Variants in BORA observed in about 807,000 individuals in gnomAD.
BORA encodes the protein BORA aurora kinase A activator, also known as protein aurora borealis.
In BORA, 26 loss-of-function variants were observed where a neutral mutation model predicts 55.8. The ratio of observed to expected loss-of-function variants is 0.47; its 90% CI spans 0.34 to 0.65. The LOEUF (loss-of-function observed/expected upper bound fraction) is 0.65, where lower values mean the gene tolerates loss of function less well. Among genes scored for constraint, BORA ranks in the 30% least tolerant of loss-of-function variants. The pLI is 0.01. For synonymous variants in BORA, 201 were observed against 216.9 expected, an observed-to-expected ratio of 0.93 and a Z score of 0.64; for missense variants, 568 against 671.5, an observed-to-expected ratio of 0.85 and a Z score of 1.70.
chr13:72,731,831 G>C (rs1382261519), intron 3 of BORA, among the ~76,000 whole-genome samples: 1 of 152,178 alleles, frequency 6.6e-6, no homozygotes, highest in African/African-American at 2.4e-5. Context: ...TGCACTGAAT[G>C]GAAGGGTATC....
intron 1 of BORA, chr13:72,728,389 C>G (rs2032732755): frequency 1.7e-6 from 1 of 597,462 alleles, no homozygotes; most frequent in African/African-American, 1.9e-5. Flanking sequence ...AGTTAATTTC[C>G]TAGCCCCTGT....
chr13:72,747,782 C>A (rs2033181727), intron 10 of BORA, among the ~76,000 whole-genome samples: 1 of 152,174 alleles, frequency 6.6e-6, no homozygotes, highest in Non-Finnish European at 1.5e-5. Context: ...ATCCGCCCAC[C>A]TCAGCCTCCC....
chr13:72,754,019 G>T (rs1188461711), intron 11 of BORA, 198 bp downstream of exon 11: 1 of 518,200 alleles, frequency 1.9e-6, no homozygotes, highest in East Asian at 3.4e-5. Context: ...ACTACAAAGT[G>T]TGCAAAGGTA....
rs535008660 is a variant in BORA, at chr13:72,732,390, T to C, written c.260+1003T>C. Among the ~76,000 whole-genome samples the C allele has an allele frequency of 4.5e-4, 68 of 152,180 alleles. No individual in the cohort carries two copies. The Middle Eastern group carries it at 0.01, about 23-fold the overall frequency. On this transcript the variant is annotated intron_variant, in intron 3 of 11. Coordinates refer to ENST00000390667, the MANE Select transcript of BORA (RefSeq NM_024808.5). ...TTAACTTAAATTTAAATAATACCTT[T>C]GAGGCCAGGTGTGGTGGCTCACACC...
rs1249719890 is a variant in BORA, at chr13:72,755,298, G to A, written c.*82G>A. 8.2e-7 allele frequency: 1 copy of A among 1,225,174 alleles called. No homozygotes were observed. The highest frequency in any genetic ancestry group is 2.4e-5 in the East Asian group (1 of 41,802). 75.9% of individuals were successfully genotyped at this position (1,225,174 alleles called of 1,614,324 possible). ...GCACAGGATCAACATGATGGTGACTGGGAAAAAATTACTTCAAGTAACATG... is the reference window on the plus strand; with the variant it reads ...GCACAGGATCAACATGATGGTGACTAGGAAAAAATTACTTCAAGTAACATG... On this transcript the variant is annotated 3_prime_UTR_variant, in exon 12 of 12. Coordinates refer to ENST00000390667, the MANE Select transcript of BORA (RefSeq NM_024808.5).
chr13:72,729,200 T>C, intron 2 of BORA, 107 bp downstream of exon 2: 1 of 957,840 alleles, frequency 1.0e-6, no homozygotes, highest in Non-Finnish European at 1.5e-6. Flanking sequence ...AAATACATTA[T>C]GGAGCATATA....
At position 72,753,039 on chromosome 13, in the gene BORA, C is replaced by G. The variant is rs989780642; in HGVS notation, c.1483-651C>G. ...AGTTAAGCTTTTTAAGCCTTAATTT[C>G]CTTCTCTAGTAAAGTATTAGGGTTG... On this transcript the variant is annotated intron_variant, in intron 10 of 11. Coordinates refer to ENST00000390667, the MANE Select transcript of BORA (RefSeq NM_024808.5). The G allele has an allele frequency of 3.2e-4, 48 of 152,214 alleles. 3 individuals carry two copies. The highest frequency in any genetic ancestry group is 1.1e-3 in the African/African-American group (45 of 41,522). The allele number at this position is 152,214 out of a possible 1,614,324, so 9.4% of individuals were successfully genotyped here. A position where few individuals can be genotyped will look rare whatever the true frequency, so the allele number is the denominator to read the frequency against.
At chr13:72,735,041 A>G (rs771229685) in intron 4 of BORA, 36 bp downstream of exon 4, 3 of 1,502,516 alleles carry the variant, frequency 2.0e-6, no homozygotes, top group Admixed American at 3.4e-5. Flanking sequence ...AAATCAGTTA[A>G]GGATCAATTC....
rs1316268000 is a variant in BORA, at chr13:72,743,596, A to C, written c.448A>C (p.Ser150Arg). 6.2e-7 allele frequency: 1 copy of C among 1,602,676 alleles called. No homozygotes were observed. The highest frequency in any genetic ancestry group is 1.7e-5 in the Admixed American group (1 of 59,620). Residue 150 changes from serine to arginine, a missense_variant, in exon 6 of 12, where the codon AGC becomes CGC. Ser to Arg is a moderately radical substitution (Grantham distance 110, BLOSUM62 -1). Coordinates refer to ENST00000390667, the MANE Select transcript of BORA (RefSeq NM_024808.5). ...AAAGCTGACCATTCATTCTGAGAAA[A>C]GCGATGGTGAGTATGAACACAATTT... Reference protein sequence around the residue: ...GKKLTIHSEKSDAACQTLLSL... With the variant: ...GKKLTIHSEKRDAACQTLLSL...
chr13:72,743,360 T>G lies in BORA; in HGVS notation c.389-177T>G, dbSNP rs184962296. On this transcript the variant is annotated intron_variant, in intron 5 of 11. Transcript: ENST00000390667. The stretch of plus-strand genomic sequence containing the variant: ...GTAATCCTTTAGTTTTATCCTTGTA[T>G]TCCCTCAAAGGTAAAAAAATAATAG... 5.5e-4 allele frequency among the ~76,000 whole-genome samples: 83 copies of G among 151,798 alleles called. No individual in the cohort carries two copies. The East Asian group carries it at 0.013, about 24-fold the overall frequency.
chr13:72,728,849 G>C, intron 1 of BORA, 77 bp from the exon 2 acceptor site: 1 of 1,294,646 alleles, frequency 7.7e-7, no homozygotes, highest in Non-Finnish European at 1.0e-6. Flanking sequence ...CACATTTGTC[G>C]AGTACATTTT....
Position 72,753,840 on chromosome 13 carries a change from G to A in BORA, c.1614+19G>A. On this transcript the variant is annotated intron_variant, in intron 11 of 11. Transcript: ENST00000390667. ...TATGAAGGTACGGAGAAAATATAGT[G>A]AAAGCTTAATATTGTTTAGATTAGA... 1 of 1,595,476 alleles carries A rather than the reference G, an allele frequency of 6.3e-7. No individual in the cohort carries two copies. The highest frequency in any genetic ancestry group is 1.1e-5 in the South Asian group (1 of 90,028).
At chr13:72,750,729 G>A (rs2033253895) in intron 10 of BORA, among the ~76,000 whole-genome samples, 1 of 152,088 alleles carries the variant, frequency 6.6e-6, no homozygotes, top group Non-Finnish European at 1.5e-5. Context: ...CAGAGACCAT[G>A]CCAAGCATTT....
intron 6 of BORA, 133 bp downstream of exon 6, chr13:72,743,735 T>A: frequency 1.4e-6 from 1 of 694,888 alleles, no homozygotes; most frequent in Middle Eastern, 4.3e-4. Flanking sequence ...TTTATTTTTG[T>A]TTTTTTGAGA....
At chr13:72,748,240 G>C (rs1268530517) in intron 10 of BORA, among the ~76,000 whole-genome samples, 2 of 152,202 alleles carry the variant, frequency 1.3e-5, no homozygotes, top group Non-Finnish European at 2.9e-5. Context: ...GGGTCAGAGA[G>C]GTTAAGTAAA....
chr13:72,744,023 C>T (rs1041562121), intron 6 of BORA, among the ~76,000 whole-genome samples: 2 of 152,194 alleles, frequency 1.3e-5, no homozygotes, highest in Non-Finnish European at 1.5e-5. Flanking sequence ...AGGCATGAGC[C>T]ACCAAGCCTG....
chr13:72,753,275 A>C (rs2033329232), intron 10 of BORA: 1 of 155,398 alleles, frequency 6.4e-6, no homozygotes, highest in Non-Finnish European at 1.4e-5. Context: ...ATTGTGAACA[A>C]CTAGGTGTAA....
In BORA at chr13:72,747,583, G is replaced by A. The variant is rs560178259; in HGVS notation, c.1482+472G>A. Among the ~76,000 whole-genome samples the A allele has an allele frequency of 1.2e-3, 184 of 152,190 alleles. 1 individual carries two copies. Among genetic ancestry groups the A allele is most frequent in the Admixed American group, 3.9e-3 (60 of 15,284 alleles). On this transcript the variant is annotated intron_variant, in intron 10 of 11. Coordinates refer to ENST00000390667, the MANE Select transcript of BORA (RefSeq NM_024808.5). ...GGGTCTCACTCTGTCACCCAGGCTG[G>A]AGTGCAGTGGTGTGATCTTGGCTCA... is the stretch of plus-strand genomic sequence containing the variant.
In BORA at chr13:72,727,934, G is replaced by C; in HGVS notation, c.-89G>C. On this transcript the variant is annotated 5_prime_UTR_variant, in exon 1 of 12. An upstream start codon of the reference 5' UTR is lost. Transcript: ENST00000390667. ...GGAAGCGGGGAGTTAAAGAGTCTAT[G>C]CCTGTCGTGGAAGCTGGCCTGGCCC... is the stretch of plus-strand genomic sequence containing the variant. 1.3e-6 allele frequency: 2 copies of C among 1,550,636 alleles called. No individual in the cohort carries two copies. Among genetic ancestry groups the C allele is most frequent in the Non-Finnish European group, 1.7e-6 (2 of 1,147,002 alleles).
Sources: gnomAD v4.1 joint callset for allele counts (sites outside exome capture counted in the v4.1 genomes callset) on GRCh38, gnomAD v4.1.1 for gene constraint, MANE v1.5 for transcripts, NCBI Gene and HGNC (gene_info 2026-07-23, HGNC 2026-07-21) for gene names.